ARMC9: variants seen among roughly 807,000 people sequenced by gnomAD.
The protein encoded by ARMC9 is armadillo repeat containing 9.
ARMC9 carries 94 observed loss-of-function variants against 107.0 expected under a neutral mutation model. The observed-to-expected ratio is 0.88, with a 90% CI of 0.74 to 1.04. The LOEUF is 1.04. Among genes scored for constraint, ARMC9 ranks in the 50% least tolerant of loss-of-function variants. ARMC9 has a pLI of 0.00. For synonymous variants in ARMC9, 380 were observed against 396.9 expected (o/e 0.96, Z 0.51); for missense variants, 942 against 1,030.1 (o/e 0.91, Z 1.17).
At chr2:231,292,742 C>A (rs1335951709) in intron 18 of ARMC9, among the ~76,000 whole-genome samples, 1 of 152,230 alleles carries the variant, frequency 6.6e-6, no homozygotes, top group African/African-American at 2.4e-5. Flanking sequence ...CACATCCCTG[C>A]AAGTCACATG....
At chr2:231,306,754 A>G (rs534843884) in intron 19 of ARMC9, among the ~76,000 whole-genome samples, 6 of 141,776 alleles carry the variant, frequency 4.2e-5, no homozygotes, top group South Asian at 4.4e-4. Context: ...GGCAAGGAGG[A>G]AAAAAAAAAA....
intron 21 of ARMC9, among the ~76,000 whole-genome samples, chr2:231,349,721 C>T (rs1274836054): frequency 1.3e-5 from 2 of 151,980 alleles, no homozygotes; most frequent in African/African-American, 4.8e-5. Context: ...ACGGAGGTTG[C>T]AGTGAGCTGA....
intron 21 of ARMC9, among the ~76,000 whole-genome samples, chr2:231,348,352 C>G (rs1318753232): frequency 6.6e-6 from 1 of 152,216 alleles, no homozygotes; most frequent in Non-Finnish European, 1.5e-5. Context: ...AATAAATTCT[C>G]TCCTGGAGCC....
chr2:231,237,785 T>A (rs866791124), intron 8 of ARMC9, among the ~76,000 whole-genome samples: 67 of 46,258 alleles, frequency 1.4e-3, no homozygotes, highest in African/African-American at 4.1e-3. Context: ...ATATATATTT[T>A]TTTTTTTTTT....
chr2:231,351,057 A>G (rs1201622826), intron 21 of ARMC9, among the ~76,000 whole-genome samples: 2 of 123,782 alleles, frequency 1.6e-5, no homozygotes, highest in Non-Finnish European at 3.2e-5. Context: ...CTCCCAGTTC[A>G]CGCCATTCTC....
intron 13 of ARMC9, among the ~76,000 whole-genome samples, chr2:231,271,308 A>T (rs998762099): frequency 1.3e-5 from 2 of 152,238 alleles, no homozygotes; most frequent in African/African-American, 4.8e-5. Context: ...GTTTTATTTT[A>T]TAAAGCTTTC....
Position 231,360,392 on chromosome 2 carries a change from G to C in ARMC9, c.2132-362G>C, listed in dbSNP as rs1435305233. 6.6e-6 allele frequency among the ~76,000 whole-genome samples: 1 copy of C among 152,218 alleles called. No individual in the cohort carries two copies. The highest frequency in any genetic ancestry group is 1.9e-4 in the East Asian group (1 of 5,196). On this transcript the variant is annotated intron_variant, in intron 22 of 24. Transcript: ENST00000611582. This position sits in a 1 kb window ranked among gnomAD's most constrained non-coding sequence, Gnocchi z 4.7. ...ACCACCCAGTTACATTTGAGTTTCA[G>C]ATAAGCAAATGGGCCTCCACATTCT...
intron 21 of ARMC9, among the ~76,000 whole-genome samples, chr2:231,352,324 G>A (rs1008288012): frequency 2.0e-5 from 3 of 150,088 alleles, no homozygotes; most frequent in African/African-American, 7.4e-5. Context: ...TAACAGTCTT[G>A]CTCTGTCGCC....
chr2:231,369,739 G>T (rs546377986), intron 23 of ARMC9, among the ~76,000 whole-genome samples: 1 of 151,872 alleles, frequency 6.6e-6, no homozygotes, highest in African/African-American at 2.4e-5. Flanking sequence ...AATTACAGGT[G>T]CCCGCCACCG....
Position 231,273,055 on chromosome 2 carries a change from G to C in ARMC9, c.1311G>C (p.Gly437=). 2 of 1,613,768 alleles carry C rather than the reference G, an allele frequency of 1.2e-6. No individual in the cohort carries two copies. Among genetic ancestry groups the C allele is most frequent in the African/African-American group, 2.7e-5 (2 of 75,010 alleles). ...TCATCACCAGGGAGAATGTTCTTGGGGCCCTGCAGAAGTTCAGTCTCAGGT... is the reference window on the plus strand; with the variant it reads ...TCATCACCAGGGAGAATGTTCTTGGCGCCCTGCAGAAGTTCAGTCTCAGGT... ...KDIITRENVL[G]ALQKFSLRRP... is the part of the protein sequence containing the mutation. The change falls in exon 14 of 25, where the codon GGG becomes GGC. Residue 437 remains glycine, a synonymous_variant. Transcript: ENST00000611582.
chr2:231,318,386 A>C (rs539491667), intron 19 of ARMC9, among the ~76,000 whole-genome samples: 1 of 152,280 alleles, frequency 6.6e-6, no homozygotes, highest in Non-Finnish European at 1.5e-5. Flanking sequence ...AAGCACAAAA[A>C]ATTATCTGCA....
chr2:231,370,054 T>G lies in ARMC9; in HGVS notation c.2363T>G (p.Leu788Arg). The change falls in exon 24 of 25, where the codon CTG becomes CGG. Residue 788 changes from leucine (L) to arginine (R), a missense_variant. By Grantham distance (102) the Leu-to-Arg change is moderately radical. Transcript: ENST00000611582. Reference sequence around the variant, plus strand: ...GCAAAGGCGTCAGTTCTGGCCCCTCTGTTCTCTTCGTGTGGCCCCCAGCAG... The same window carrying G: ...GCAAAGGCGTCAGTTCTGGCCCCTCGGTTCTCTTCGTGTGGCCCCCAGCAG... ...PKAKASVLAP[L>R]FSSCGPQQAS... The G allele has an allele frequency of 1.3e-6, 2 of 1,535,480 alleles. No individual in the cohort carries two copies. The highest frequency in any genetic ancestry group is 1.7e-6 in the Non-Finnish European group (2 of 1,146,546).
intron 9 of ARMC9, among the ~76,000 whole-genome samples, chr2:231,251,961 G>A (rs1271790190): frequency 1.3e-5 from 2 of 152,138 alleles, no homozygotes. Flanking sequence ...AGAGCATGCT[G>A]AGCCACTCCT....
Position 231,353,672 on chromosome 2 carries a change from C to T in ARMC9, c.1995-2126C>T, listed in dbSNP as rs551745562. On this transcript the variant is annotated intron_variant, in intron 21 of 24. Coordinates refer to ENST00000611582, the MANE Select transcript of ARMC9 (RefSeq NM_001352754.2). The stretch of plus-strand genomic sequence containing the variant: ...CCGTCCTGCCCACCACTGGCCTTCA[C>T]GGCTCAGGGAGTTCCTCCTAACAGT... Among the ~76,000 whole-genome samples, 23 of 151,842 alleles carry T rather than the reference C, an allele frequency of 1.5e-4. No homozygotes were observed. In the South Asian group the frequency reaches 3.5e-3, roughly 23 times the overall value.
intron 18 of ARMC9, chr2:231,295,271 C>T (rs1374167415): frequency 6.6e-6 from 1 of 152,278 alleles, no homozygotes; most frequent in Non-Finnish European, 1.5e-5. Context: ...CAGGGACTCA[C>T]AGTTCAGTGC....
At chr2:231,296,548 G>C (rs1170675439) in intron 19 of ARMC9, among the ~76,000 whole-genome samples, 3 of 152,204 alleles carry the variant, frequency 2.0e-5, no homozygotes, top group African/African-American at 7.2e-5. Context: ...CCATTCTTCT[G>C]TGTGAGCTTT....
Position 231,282,038 on chromosome 2 carries a change from G to GT in ARMC9, c.1552-14dup, listed in dbSNP as rs374996479. The GT allele has an allele frequency of 4.6e-4, 742 of 1,611,834 alleles. 4 individuals carry two copies. The African/African-American group carries it at 7.5e-3, about 16-fold the overall frequency. On this transcript the variant is annotated intron_variant, in intron 16 of 24. Coordinates refer to ENST00000611582, the MANE Select transcript of ARMC9 (RefSeq NM_001352754.2). ...GTATTTGAAAACTTGCAAATAACTG[G>GT]TTTTTTTCCTCCCCTTAAAGATACA...
chr2:231,212,080 C>T (rs1217242723), intron 3 of ARMC9, among the ~76,000 whole-genome samples: 3 of 152,138 alleles, frequency 2.0e-5, no homozygotes, highest in East Asian at 1.9e-4. Flanking sequence ...GTTAGTGGAA[C>T]TCAAAAAATA....
chr2:231,359,543 G>A (rs932867093), intron 22 of ARMC9, among the ~76,000 whole-genome samples: 3 of 152,126 alleles, frequency 2.0e-5, no homozygotes, highest in East Asian at 1.9e-4. Context: ...CGTCCCCTAC[G>A]CTCACACCCC....
Sources: gnomAD v4.1 joint callset for allele counts (sites outside exome capture counted in the v4.1 genomes callset) on GRCh38, gnomAD v4.1.1 for gene constraint, Gnocchi (gnomAD v3.1) non-coding constraint, MANE v1.5 for transcripts, NCBI Gene and HGNC (gene_info 2026-07-23, HGNC 2026-07-21) for gene names.